Variants in ATP23 observed in about 807,000 individuals in gnomAD.
The protein encoded by ATP23 is mitochondrial inner membrane protease ATP23 homolog.
A neutral mutation model predicts 28.5 loss-of-function variants in ATP23; 24 were observed. The observed-to-expected ratio is 0.84, with a 90% CI of 0.61 to 1.18. The LOEUF (loss-of-function observed/expected upper bound fraction) is 1.18. ATP23 is among the 50% of genes most tolerant of loss of function. The probability of loss-of-function intolerance (pLI) is 0.00; values close to 1 mark genes in which losing one functional copy is unlikely to be tolerated. For missense variants in ATP23, 274 were observed against 306.4 expected, an observed-to-expected ratio of 0.89 and a Z score of 0.79; for synonymous variants, 99 against 108.6, an observed-to-expected ratio of 0.91 and a Z score of 0.55.
At chr12:57,945,502 G>A in intron 1 of ATP23, 126 bp from the exon 2 acceptor site, 3 of 764,510 alleles carry the variant, frequency 3.9e-6, no homozygotes, top group Non-Finnish European at 4.4e-6. Flanking sequence ...AAAGTGCTGG[G>A]ATTACAGGCA....
chr12:57,947,052 A>C lies in ATP23; in HGVS notation c.291A>C (p.Gly97=), dbSNP rs980314528. 27 of 1,613,940 alleles carry C rather than the reference A, an allele frequency of 1.7e-5. No individual in the cohort carries two copies. Among genetic ancestry groups the C allele is most frequent in the Non-Finnish European group, 2.2e-5 (26 of 1,180,004 alleles). ...SCEDCNGNVS[G]GFDASTSQIV... ...AAGACTGTAATGGAAATGTCAGTGGAGGTTTTGATGCTTCAACATCTCAGG... is the reference window on the plus strand; with the variant it reads ...AAGACTGTAATGGAAATGTCAGTGGCGGTTTTGATGCTTCAACATCTCAGG... Residue 97 remains glycine, a synonymous_variant, in exon 3 of 6, where the codon GGA becomes GGC. Coordinates refer to ENST00000300145, the MANE Select transcript of ATP23 (RefSeq NM_033276.4).
At chr12:57,941,952 A>G in intron 1 of ATP23, 64 bp downstream of exon 1, 2 of 1,582,516 alleles carry the variant, frequency 1.3e-6, no homozygotes, top group Non-Finnish European at 1.7e-6. Flanking sequence ...TGGGCGAGGA[A>G]GGGCCTGGGC....
chr12:57,941,719 C>G lies in ATP23; in HGVS notation c.18C>G (p.Asp6Glu), dbSNP rs561871673. The change falls in exon 1 of 6, where the codon GAC becomes GAG. Residue 6 changes from aspartate to glutamate, a missense_variant. Asp to Glu is a conservative substitution (Grantham distance 45). Coordinates refer to ENST00000300145, the MANE Select transcript of ATP23 (RefSeq NM_033276.4). MAGAP[D>E]ERRRGPAAGE... is the part of the protein sequence containing the mutation. The stretch of plus-strand genomic sequence containing the variant: ...CGGGAGGCATGGCGGGAGCTCCGGA[C>G]GAGCGCCGGCGGGGCCCCGCGGCAG... 11 of 1,600,864 alleles carry G rather than the reference C, an allele frequency of 6.9e-6. No individual in the cohort carries two copies. The East Asian group carries it at 1.1e-4, about 16-fold the overall frequency.
intron 1 of ATP23, among the ~76,000 whole-genome samples, chr12:57,945,021 T>G (rs1465109867): frequency 6.6e-6 from 1 of 152,228 alleles, no homozygotes. Flanking sequence ...CTTCTAAGAA[T>G]GTGGCCCTAG....
At chr12:57,955,309 C>G (rs1359400274) in intron 5 of ATP23, among the ~76,000 whole-genome samples, 1 of 140,328 alleles carries the variant, frequency 7.1e-6, no homozygotes, top group Non-Finnish European at 1.5e-5. Context: ...CACCTTCTAT[C>G]TTTGTGATAG....
Position 57,957,174 on chromosome 12 carries a change from A to G in ATP23, c.*284A>G, listed in dbSNP as rs772659480. 1 of 265,380 alleles carries G rather than the reference A, an allele frequency of 3.8e-6. No homozygotes were observed. Among genetic ancestry groups the G allele is most frequent in the Non-Finnish European group, 7.0e-6 (1 of 143,308 alleles). The allele number at this position is 265,380 out of a possible 1,614,324, so 16.4% of individuals were successfully genotyped here. On this transcript the variant is annotated 3_prime_UTR_variant, in exon 6 of 6. Transcript: ENST00000300145. ...GTTTTTATTACATGTGATTATTTTA[A>G]AATTTGATTATGAAACCTGTGAAGT...
Position 57,956,922 on chromosome 12 carries a change from C to T in ATP23, c.*32C>T, listed in dbSNP as rs920486392. 6.5e-7 allele frequency: 1 copy of T among 1,543,546 alleles called. No homozygotes were observed. The highest frequency in any genetic ancestry group is 1.4e-5 in the African/African-American group (1 of 71,530). The stretch of plus-strand genomic sequence containing the variant: ...TGACATTTTTATATTACAGAGCTTC[C>T]ATCATCATGAAGAAAAAAAAATTTG... On this transcript the variant is annotated 3_prime_UTR_variant, in exon 6 of 6. Coordinates refer to ENST00000300145, the MANE Select transcript of ATP23 (RefSeq NM_033276.4).
intron 3 of ATP23, among the ~76,000 whole-genome samples, chr12:57,948,955 C>T (rs1403530056): frequency 1.3e-5 from 2 of 152,184 alleles, no homozygotes; most frequent in African/African-American, 2.4e-5. Context: ...AATTACTTTC[C>T]ACCTTCAGCA....
chr12:57,953,965 C>T (rs986099206), intron 5 of ATP23, among the ~76,000 whole-genome samples: 41 of 152,014 alleles, frequency 2.7e-4, no homozygotes, highest in East Asian at 1.2e-3. Flanking sequence ...GAGGCCGAGG[C>T]GGGCGGATCA....
Position 57,945,932 on chromosome 12 carries a change from C to G in ATP23, c.233+259C>G, listed in dbSNP as rs200747477. Among the ~76,000 whole-genome samples, 4 of 149,146 alleles carry G rather than the reference C, an allele frequency of 2.7e-5. No homozygotes were observed. The East Asian group carries it at 7.9e-4, about 30-fold the overall frequency. On this transcript the variant is annotated intron_variant, in intron 2 of 5. Transcript: ENST00000300145. ...CCAGGTGGGAGTGCGTTGGTGCTGT[C>G]TCGGCTCAGTGCAACCTCCGTCTCC...
chr12:57,945,108 G>C (rs1009571974), intron 1 of ATP23, among the ~76,000 whole-genome samples: 1 of 152,166 alleles, frequency 6.6e-6, no homozygotes, highest in Non-Finnish European at 1.5e-5. Context: ...TAAAAGCATA[G>C]TTGATATTGT....
chr12:57,955,864 T>G (rs10747789), intron 5 of ATP23, among the ~76,000 whole-genome samples: 1 of 151,930 alleles, frequency 6.6e-6, no homozygotes, highest in Non-Finnish European at 1.5e-5. Context: ...TGGGAACATG[T>G]GGAGAAAACG....
chr12:57,951,622 A>C, intron 3 of ATP23, 136 bp from the exon 4 acceptor site: 1 of 933,710 alleles, frequency 1.1e-6, no homozygotes, highest in Admixed American at 2.1e-5. Context: ...ATGTGTGGCC[A>C]ATGAAGAAGA....
At chr12:57,949,063 T>C (rs886861320) in intron 3 of ATP23, among the ~76,000 whole-genome samples, 3 of 152,248 alleles carry the variant, frequency 2.0e-5, no homozygotes, top group Non-Finnish European at 2.9e-5. Context: ...TACTATAGTT[T>C]ACTCTAATAT....
At chr12:57,944,813 C>G (rs531717081) in intron 1 of ATP23, among the ~76,000 whole-genome samples, 4 of 152,348 alleles carry the variant, frequency 2.6e-5, no homozygotes, top group Admixed American at 2.6e-4. Flanking sequence ...TTCCAACCCC[C>G]CAAATCCTTT....
chr12:57,945,481 CT>C, intron 1 of ATP23, 146 bp from the exon 2 acceptor site: 1 of 646,764 alleles, frequency 1.5e-6, no homozygotes, highest in Non-Finnish European at 2.7e-6. Flanking sequence ...ATCCACCCGC[CT>C]CAACCTCCTA....
intron 5 of ATP23, among the ~76,000 whole-genome samples, chr12:57,954,395 G>C (rs967653060): frequency 1.3e-5 from 2 of 152,136 alleles, no homozygotes; most frequent in African/African-American, 4.8e-5. Context: ...TGCTGCACAA[G>C]TTATGGCTAT....
chr12:57,946,955 A>G (rs368277330), intron 2 of ATP23, 40 bp from the exon 3 acceptor site: 2 of 1,602,794 alleles, frequency 1.2e-6, no homozygotes, highest in South Asian at 1.1e-5. Context: ...TGCCACATAC[A>G]CACTGTTTCT....
intron 1 of ATP23, among the ~76,000 whole-genome samples, chr12:57,942,527 C>A (rs1017188094): frequency 9.2e-5 from 14 of 151,856 alleles, no homozygotes; most frequent in Non-Finnish European, 1.6e-4. Context: ...GGGTTCACGC[C>A]GTTCTCCTGC....
Sources: gnomAD v4.1 joint callset for allele counts (sites outside exome capture counted in the v4.1 genomes callset) on GRCh38, gnomAD v4.1.1 for gene constraint, MANE v1.5 for transcripts, NCBI Gene and HGNC (gene_info 2026-07-23, HGNC 2026-07-21) for gene names.